Variants in GHR observed in about 807,000 individuals in gnomAD.
The protein encoded by GHR is growth hormone receptor.
A neutral mutation model predicts 67.1 loss-of-function variants in GHR; 35 were observed. The ratio of observed to expected loss-of-function variants is 0.52; its 90% CI spans 0.40 to 0.69. The LOEUF is 0.69. Among genes scored for constraint, GHR ranks in the 30% least tolerant of loss-of-function variants. The probability of loss-of-function intolerance (pLI) is 0.00; values close to 1 mark genes in which losing one functional copy is unlikely to be tolerated. For synonymous variants in GHR, 272 were observed against 269.1 expected (o/e 1.01, Z -0.10); for missense variants, 792 against 764.6 (o/e 1.04, Z -0.42).
intron 1 of GHR, among the ~76,000 whole-genome samples, chr5:42,561,422 C>A (rs369980175): frequency 3.1e-4 from 47 of 152,186 alleles, no homozygotes; most frequent in African/African-American, 1.1e-3. Context: ...AATTAAAGAG[C>A]ATGAAACATA....
Position 42,718,958 on chromosome 5 carries a change from T to C in GHR, c.1451T>C (p.Ile484Thr). The stretch of plus-strand genomic sequence containing the variant: ...AGCAATCCAAGTTCACTGTCAAACA[T>C]CGACTTTTATGCCCAGGTGAGCGAC... ...QLSNPSSLSNIDFYAQVSDIT... is the reference protein window; with the variant it reads ...QLSNPSSLSNTDFYAQVSDIT... Residue 484 changes from isoleucine to threonine, a missense_variant, in exon 10 of 10, where the codon ATC becomes ACC. Coordinates refer to ENST00000230882, the MANE Select transcript of GHR (RefSeq NM_000163.5). 1 of 1,613,436 alleles carries C rather than the reference T, an allele frequency of 6.2e-7. No homozygotes were observed. Among genetic ancestry groups the C allele is most frequent in the Non-Finnish European group, 8.5e-7 (1 of 1,179,546 alleles).
chr5:42,521,459 C>T (rs1171624344), intron 1 of GHR, among the ~76,000 whole-genome samples: 2 of 152,142 alleles, frequency 1.3e-5, no homozygotes, highest in Non-Finnish European at 2.9e-5. Context: ...TATTCTAGGC[C>T]TTTCAGGTGG....
intron 1 of GHR, among the ~76,000 whole-genome samples, chr5:42,482,550 G>T (rs13170529): frequency 1.6e-4 from 25 of 152,100 alleles, no homozygotes; most frequent in Non-Finnish European, 3.1e-4. Context: ...CTTCCTGGCC[G>T]CTTTATTTAC....
intron 1 of GHR, among the ~76,000 whole-genome samples, chr5:42,539,024 G>A (rs930038777): frequency 5.9e-5 from 9 of 152,068 alleles, no homozygotes; most frequent in Admixed American, 6.5e-5. Flanking sequence ...GTTTCCTGAA[G>A]TTTTGATTTT....
intron 3 of GHR, among the ~76,000 whole-genome samples, chr5:42,650,374 A>T (rs1580126303): frequency 6.6e-6 from 1 of 152,190 alleles, no homozygotes; most frequent in East Asian, 1.9e-4. Context: ...TAAAGAATTT[A>T]TTTGCTCCAA....
rs78409528 is a variant in GHR at position 42,517,359 on chromosome 5, G to C, written c.-11-48505G>C. On this transcript the variant is annotated intron_variant, in intron 1 of 9. Coordinates refer to ENST00000230882, the MANE Select transcript of GHR (RefSeq NM_000163.5). ...GTGCTGAATTGAAAGCTCCAGGAAGGCAGGGATGTGTCTGTGTTGTTTATG... is the reference window on the plus strand; with the variant it reads ...GTGCTGAATTGAAAGCTCCAGGAAGCCAGGGATGTGTCTGTGTTGTTTATG... Among the ~76,000 whole-genome samples, 1,255 of 152,298 alleles carry C rather than the reference G, an allele frequency of 8.2e-3. 15 individuals are homozygous for C. The highest frequency in any genetic ancestry group is 0.029 in the African/African-American group (1,186 of 41,558).
chr5:42,660,935 C>T (rs1755574667), intron 3 of GHR, among the ~76,000 whole-genome samples: 1 of 152,042 alleles, frequency 6.6e-6, no homozygotes. Context: ...AGCTGAAAAC[C>T]AAGGCTCAAG....
At chr5:42,478,121 C>T (rs545267348) in intron 1 of GHR, among the ~76,000 whole-genome samples, 1 of 152,190 alleles carries the variant, frequency 6.6e-6, no homozygotes, top group Non-Finnish European at 1.5e-5. Flanking sequence ...GTATTCCCAG[C>T]ACCATTTATT....
At chr5:42,529,201 C>T (rs111308174) in intron 1 of GHR, among the ~76,000 whole-genome samples, 27,940 of 151,812 alleles carry the variant, frequency 0.18, 2,894 homozygotes, top group Non-Finnish European at 0.22. Context: ...TCAGTAGAAA[C>T]GGGGTTTCAC....
chr5:42,474,329 G>GAAAGAAAGAAAGAAAGAAAAGAAAT (rs1252314518), intron 1 of GHR, among the ~76,000 whole-genome samples: 42 of 146,394 alleles, frequency 2.9e-4, no homozygotes, highest in African/African-American at 1.1e-3. Context: ...AAGAAAGAAA[G>GAAAGAAAGAAAGAAAGAAAAGAAAT]AAAGAAAGAA....
At chr5:42,487,215 A>G (rs978453240) in intron 1 of GHR, among the ~76,000 whole-genome samples, 42 of 152,194 alleles carry the variant, frequency 2.8e-4, no homozygotes, top group Non-Finnish European at 5.3e-4. Flanking sequence ...ATAATCACTT[A>G]CACTTTTCTT....
chr5:42,434,716 A>T (rs572905454), intron 1 of GHR, among the ~76,000 whole-genome samples: 1 of 152,204 alleles, frequency 6.6e-6, no homozygotes, highest in Non-Finnish European at 1.5e-5. Flanking sequence ...TATGTTAACT[A>T]TCTGAATGGG....
chr5:42,430,632 G>GTGTGTGTGTA (rs1743053502), intron 1 of GHR, among the ~76,000 whole-genome samples: 1 of 151,656 alleles, frequency 6.6e-6, no homozygotes, highest in Admixed American at 6.6e-5. Context: ...GTGTGTGTGT[G>GTGTGTGTGTA]TGTGTATGTG....
chr5:42,445,186 C>G (rs1474261610), intron 1 of GHR, among the ~76,000 whole-genome samples: 1 of 152,176 alleles, frequency 6.6e-6, no homozygotes, highest in East Asian at 1.9e-4. Flanking sequence ...CCACAGTGGA[C>G]ATTCAGTAAT....
intron 1 of GHR, chr5:42,467,474 T>G: frequency 1.0e-6 from 1 of 1,001,732 alleles, no homozygotes; most frequent in Non-Finnish European, 1.6e-6. Flanking sequence ...TTACAGCATT[T>G]TTCTGTAATG....
intron 1 of GHR, among the ~76,000 whole-genome samples, chr5:42,472,367 A>G (rs976685478): frequency 3.3e-5 from 5 of 152,226 alleles, no homozygotes; most frequent in African/African-American, 9.6e-5. Flanking sequence ...GGATTGTATA[A>G]ATGCTATTGC....
chr5:42,485,061 G>A (rs911989061), intron 1 of GHR, among the ~76,000 whole-genome samples: 12 of 152,076 alleles, frequency 7.9e-5, no homozygotes, highest in Non-Finnish European at 1.3e-4. Context: ...AATGAAAAAC[G>A]ATTCCTAGCA....
At chr5:42,491,334 AAGT>A (rs1746104457) in intron 1 of GHR, among the ~76,000 whole-genome samples, 3 of 152,228 alleles carry the variant, frequency 2.0e-5, no homozygotes, top group African/African-American at 7.2e-5. Context: ...TGAGGAAACA[AAGT>A]GGTGGGTGTA....
chr5:42,572,805 G>A (rs1750406174), intron 2 of GHR, among the ~76,000 whole-genome samples: 1 of 152,280 alleles, frequency 6.6e-6, no homozygotes, highest in South Asian at 2.1e-4. Context: ...AACCACAGGG[G>A]AAATGTTTCA....
Sources: allele counts gnomAD v4.1 joint callset (sites outside exome capture counted in the v4.1 genomes callset), GRCh38; gene constraint gnomAD v4.1.1; transcripts MANE v1.5; gene names NCBI Gene and HGNC (gene_info 2026-07-23, HGNC 2026-07-21).